Variants in SLMAP observed in about 807,000 individuals in gnomAD.
The protein encoded by SLMAP is sarcolemma associated protein.
SLMAP carries 44 observed loss-of-function variants against 128.8 expected under a neutral mutation model. The observed-to-expected ratio is 0.34, with a 90% confidence interval of 0.27 to 0.44. The LOEUF is 0.44. Among genes scored for constraint, SLMAP ranks in the 20% least tolerant of loss-of-function variants. The pLI is 1.00. For missense variants in SLMAP, 787 were observed against 985.3 expected (o/e 0.80, Z 2.69); for synonymous variants, 327 against 348.8 (o/e 0.94, Z 0.70).
At chr3:57,835,055 G>C (rs752028810) in intron 3 of SLMAP, among the ~76,000 whole-genome samples, 1 of 134,520 alleles carries the variant, frequency 7.4e-6, no homozygotes, top group Non-Finnish European at 1.5e-5. Flanking sequence ...CTGGGAGGCA[G>C]AGATTGCAGT....
chr3:57,812,703 G>T (rs946986760), intron 2 of SLMAP, among the ~76,000 whole-genome samples: 6 of 151,862 alleles, frequency 4.0e-5, no homozygotes, highest in Admixed American at 3.9e-4. Flanking sequence ...TATGGGATGT[G>T]TTTTTATTTA....
chr3:57,826,690 G>A (rs1051314034), intron 2 of SLMAP, among the ~76,000 whole-genome samples: 1 of 152,188 alleles, frequency 6.6e-6, no homozygotes, highest in Non-Finnish European at 1.5e-5. Context: ...GAATTTATAT[G>A]GCTCAGACTG....
chr3:57,850,048 C>T (rs568600243), intron 6 of SLMAP, among the ~76,000 whole-genome samples: 2 of 152,070 alleles, frequency 1.3e-5, no homozygotes, highest in East Asian at 3.9e-4. Flanking sequence ...TGATGGCGTG[C>T]ATCTGTAGTC....
chr3:57,780,783 G>A (rs1233340350), intron 2 of SLMAP, among the ~76,000 whole-genome samples: 1 of 151,444 alleles, frequency 6.6e-6, no homozygotes, highest in Non-Finnish European at 1.5e-5. Context: ...GGCTGGGACT[G>A]TAGGCACGCA....
chr3:57,918,988 C>G (rs1362949368), intron 22 of SLMAP, among the ~76,000 whole-genome samples: 1 of 152,144 alleles, frequency 6.6e-6, no homozygotes, highest in Non-Finnish European at 1.5e-5. Flanking sequence ...AAAATGATAG[C>G]CAAGCAAGGC....
At chr3:57,871,502 G>A in intron 13 of SLMAP, 134 bp from the exon 14 acceptor site, 2 of 627,268 alleles carry the variant, frequency 3.2e-6, no homozygotes, top group Non-Finnish European at 5.7e-6. Flanking sequence ...GTCTGCTTTA[G>A]TATCAAAATA....
chr3:57,836,582 C>T (rs2093652379), intron 3 of SLMAP, among the ~76,000 whole-genome samples: 1 of 152,154 alleles, frequency 6.6e-6, no homozygotes, highest in Non-Finnish European at 1.5e-5. Flanking sequence ...AAGTGATCCT[C>T]CTGCCTCAGT....
Position 57,927,934 on chromosome 3 carries a change from T to C in SLMAP, c.*645T>C, listed in dbSNP as rs769932216. The C allele has an allele frequency of 2.0e-5, 3 of 152,446 alleles. No homozygotes were observed. Among genetic ancestry groups the C allele is most frequent in the Admixed American group, 2.0e-4 (3 of 15,270 alleles). The allele number at this position is 152,446 out of a possible 1,614,324, so 9.4% of individuals were successfully genotyped here. A position where few individuals can be genotyped will look rare whatever the true frequency, so the allele number is the denominator to read the frequency against. The stretch of plus-strand genomic sequence containing the variant: ...GGGAACAAGACTTAGAGACAACTAT[T>C]TGCGTGGATTTTTTTTTTTTTAAGG... On this transcript the variant is annotated 3_prime_UTR_variant, in exon 25 of 25. Transcript: ENST00000671191.
intron 2 of SLMAP, among the ~76,000 whole-genome samples, chr3:57,806,604 AT>A (rs565641660): frequency 2.0e-5 from 3 of 151,622 alleles, no homozygotes; most frequent in African/African-American, 7.3e-5. Flanking sequence ...TGCCTGGCCA[AT>A]TTTTTTGTAT....
intron 23 of SLMAP, among the ~76,000 whole-genome samples, chr3:57,925,406 G>A (rs191516813): frequency 6.7e-6 from 1 of 148,860 alleles, no homozygotes; most frequent in East Asian, 2.0e-4. Context: ...TCAGCTCACT[G>A]CAACCTCTGC....
chr3:57,774,679 C>T (rs1157705114), intron 2 of SLMAP, among the ~76,000 whole-genome samples: 2 of 151,928 alleles, frequency 1.3e-5, no homozygotes, highest in African/African-American at 4.8e-5. Flanking sequence ...CATGCATCAC[C>T]ACACCCGGCT....
At chr3:57,853,999 A>ATT (rs1262823919) in intron 6 of SLMAP, among the ~76,000 whole-genome samples, 1 of 103,212 alleles carries the variant, frequency 9.7e-6, no homozygotes, top group East Asian at 2.7e-4. Context: ...ATATATATAT[A>ATT]TTTACATATA....
chr3:57,922,227 A>G (rs907386141), intron 22 of SLMAP, among the ~76,000 whole-genome samples: 2 of 152,154 alleles, frequency 1.3e-5, no homozygotes, highest in South Asian at 2.1e-4. Context: ...CAGGCTTCCT[A>G]ACATTGGCTA....
At chr3:57,762,569 CAG>C (rs1287864185) in intron 2 of SLMAP, among the ~76,000 whole-genome samples, 1 of 152,108 alleles carries the variant, frequency 6.6e-6, no homozygotes, top group Non-Finnish European at 1.5e-5. Context: ...TGGCACAAAG[CAG>C]AGTTTCATAA....
chr3:57,929,672 C>G lies in SLMAP; in HGVS notation c.*2383C>G, dbSNP rs930155288. ...TACATTTAAGAATTATTCAAAGGTG[C>G]TACATGGCAGGGTTAGAGAATAAAA... On this transcript the variant is annotated 3_prime_UTR_variant, in exon 25 of 25. Transcript: ENST00000671191. Among the ~76,000 whole-genome samples, 5 of 152,140 alleles carry G rather than the reference C, an allele frequency of 3.3e-5. No homozygotes were observed. Among genetic ancestry groups the G allele is most frequent in the African/African-American group, 1.2e-4 (5 of 41,428 alleles).
chr3:57,857,738 C>G lies in SLMAP; in HGVS notation c.525C>G (p.Ala175=). ...LFQLSQYLQE[A]LHREQMLEQK... is the part of the protein sequence containing the mutation. ...TTTGTGATTTGTAATACTAGGAGGC[C>G]TTACATCGGGAACAAATGTTGGAAC... is the stretch of plus-strand genomic sequence containing the variant. The change falls in exon 7 of 25, where the codon GCC becomes GCG. Residue 175 remains alanine, a synonymous_variant. Coordinates refer to ENST00000671191, the MANE Select transcript of SLMAP (RefSeq NM_001377540.1). 1.2e-6 allele frequency: 2 copies of G among 1,608,708 alleles called. No homozygotes were observed. Among genetic ancestry groups the G allele is most frequent in the Non-Finnish European group, 1.7e-6 (2 of 1,175,142 alleles).
At chr3:57,798,428 C>G (rs1474342990) in intron 2 of SLMAP, among the ~76,000 whole-genome samples, 3 of 152,096 alleles carry the variant, frequency 2.0e-5, no homozygotes, top group African/African-American at 7.2e-5. Flanking sequence ...TTTTCTGACT[C>G]TCTTTGTTTT....
Position 57,803,721 on chromosome 3 carries a change from G to GT in SLMAP, c.199-27655dup, listed in dbSNP as rs576055378. ...CTCTGGAGGCACAAATCCAACATGG[G>GT]TTTTTTTCTTTTTGGGCCAGAGAGC... On this transcript the variant is annotated intron_variant, in intron 2 of 24. Coordinates refer to ENST00000671191, the MANE Select transcript of SLMAP (RefSeq NM_001377540.1). Among the ~76,000 whole-genome samples, 337 of 152,194 alleles carry GT rather than the reference G, an allele frequency of 2.2e-3. 1 individual carries two copies. Among genetic ancestry groups the GT allele is most frequent in the African/African-American group, 7.7e-3 (320 of 41,514 alleles).
chr3:57,866,155 C>G (rs1354530909), intron 13 of SLMAP, among the ~76,000 whole-genome samples: 1 of 152,014 alleles, frequency 6.6e-6, no homozygotes, highest in African/African-American at 2.4e-5. Flanking sequence ...GCCTGTAGTC[C>G]CAACTACGTG....
Sources: gnomAD v4.1 joint callset for allele counts (sites outside exome capture counted in the v4.1 genomes callset) on GRCh38, gnomAD v4.1.1 for gene constraint, MANE v1.5 for transcripts, NCBI Gene and HGNC (gene_info 2026-07-23, HGNC 2026-07-21) for gene names.